SKA3: variants seen among roughly 807,000 people sequenced by gnomAD.
The protein encoded by SKA3 is spindle and kinetochore associated complex subunit 3.
Under a neutral mutation model 44.2 loss-of-function variants are expected in SKA3, and 39 were observed. The observed-to-expected ratio is 0.88, with a 90% confidence interval of 0.68 to 1.15. SKA3 has a LOEUF of 1.15. Ranked by LOEUF, SKA3 falls within the 50% of genes most tolerant of loss-of-function variation. SKA3 has a pLI of 0.00. For synonymous variants in SKA3, 192 were observed against 172.0 expected (o/e 1.12, Z -0.91); for missense variants, 511 against 485.8 (o/e 1.05, Z -0.49).
At position 21,154,243 on chromosome 13, in the gene SKA3, A is replaced by G. The variant is rs1236624199; in HGVS notation, c.*907T>C. On this transcript the variant is annotated 3_prime_UTR_variant, in exon 9 of 9. Transcript: ENST00000314759. ...TGACAAGTTCTCCAAAAGCACTATC[A>G]TGAACTTAATTAGATAATACTTTCC... The G allele has an allele frequency of 1.3e-5, 2 of 152,272 alleles. No individual in the cohort carries two copies. Among genetic ancestry groups the G allele is most frequent in the Non-Finnish European group, 2.9e-5 (2 of 68,060 alleles). 9.4% of individuals were successfully genotyped at this position (152,272 alleles called of 1,614,324 possible). A position where few individuals can be genotyped will look rare whatever the true frequency, so the allele number is the denominator to read the frequency against.
In SKA3 at chr13:21,168,179, T is replaced by C. The variant is rs755738799; in HGVS notation, c.552A>G (p.Glu184=). The change falls in exon 4 of 9, where the codon GAA becomes GAG. Residue 184 remains glutamate, a synonymous_variant. Coordinates refer to ENST00000314759, the MANE Select transcript of SKA3 (RefSeq NM_145061.6). The part of the protein sequence containing the change: ...NPPQAVNNYK[E]EPVIVTPPTK... ...TAGGTGGGGTTACAATTACGGGCTC[T>C]TCCTTATAGTTGTTCACTGCCTGTG... The C allele has an allele frequency of 1.2e-6, 2 of 1,614,002 alleles. No individual in the cohort carries two copies. The highest frequency in any genetic ancestry group is 1.7e-6 in the Non-Finnish European group (2 of 1,179,998).
At chr13:21,172,246 C>T in intron 3 of SKA3, 93 bp downstream of exon 3, 1 of 706,810 alleles carries the variant, frequency 1.4e-6, no homozygotes, top group Non-Finnish European at 2.1e-6. Flanking sequence ...AGAGCTAGAA[C>T]TAAAAACCAT....
chr13:21,159,033 A>G (rs565208685), intron 6 of SKA3, among the ~76,000 whole-genome samples: 1 of 152,338 alleles, frequency 6.6e-6, no homozygotes, highest in South Asian at 2.1e-4. Context: ...TGCACTGTCC[A>G]ATATAGTAGC....
chr13:21,175,332 C>T (rs1871415701), intron 1 of SKA3, among the ~76,000 whole-genome samples: 1 of 150,618 alleles, frequency 6.6e-6, no homozygotes. Context: ...GGCTGGAGTG[C>T]AGTGGCGGAT....
intron 6 of SKA3, 57 bp downstream of exon 6, chr13:21,159,845 T>C (rs1167571511): frequency 1.8e-6 from 2 of 1,103,326 alleles, no homozygotes; most frequent in African/African-American, 1.6e-5. Context: ...CTGCAAGCAG[T>C]AGTGTATTTG....
rs760355221 is a variant in SKA3, at chr13:21,168,275, A to T, written c.456T>A (p.Ser152=). 7 of 1,614,222 alleles carry T rather than the reference A, an allele frequency of 4.3e-6. No individual in the cohort carries two copies. The South Asian group carries it at 7.7e-5, about 18-fold the overall frequency. Reference sequence around the variant, plus strand: ...AATCTGAAAGTTGTGGACTACGTGGAGACTTCTCAGAAATACAACTGCTTG... The same window carrying T: ...AATCTGAAAGTTGTGGACTACGTGGTGACTTCTCAGAAATACAACTGCTTG... ...PVASSCISEK[S]PRSPQLSDFG... The change falls in exon 4 of 9, where the codon TCT becomes TCA. Residue 152 remains serine (S), a synonymous_variant. Coordinates refer to ENST00000314759, the MANE Select transcript of SKA3 (RefSeq NM_145061.6).
At chr13:21,159,046 C>T (rs1429661941) in intron 6 of SKA3, among the ~76,000 whole-genome samples, 2 of 152,144 alleles carry the variant, frequency 1.3e-5, no homozygotes, top group African/African-American at 4.8e-5. Flanking sequence ...ATAGTAGCCA[C>T]AGCCACATGG....
Position 21,153,691 on chromosome 13 carries a change from C to T in SKA3, c.*1459G>A, listed in dbSNP as rs1869928393. 6.6e-6 allele frequency: 1 copy of T among 151,980 alleles called. No homozygotes were observed. The highest frequency in any genetic ancestry group is 6.6e-5 in the Admixed American group (1 of 15,226). The allele number at this position is 151,980 out of a possible 1,614,324, so 9.4% of individuals were successfully genotyped here. A position where few individuals can be genotyped will look rare whatever the true frequency, so the allele number is the denominator to read the frequency against. ...TTCTTCCTACTTCACTGGCCTCAGT[C>T]TCCTTTGCTAGATTACTCTGCCCCT... On this transcript the variant is annotated 3_prime_UTR_variant, in exon 9 of 9. Coordinates refer to ENST00000314759, the MANE Select transcript of SKA3 (RefSeq NM_145061.6).
intron 1 of SKA3, among the ~76,000 whole-genome samples, chr13:21,173,143 C>T (rs1392271773): frequency 6.9e-6 from 1 of 144,216 alleles, no homozygotes; most frequent in Non-Finnish European, 1.5e-5. Context: ...ATAAAATGAG[C>T]ATACCTGCAC....
Position 21,172,450 on chromosome 13 carries a change from C to G in SKA3, c.220G>C (p.Asp74His). The change falls in exon 3 of 9, where the codon GAT becomes CAT. Residue 74 changes from aspartate to histidine, a missense_variant. Asp to His is a moderately conservative substitution (Grantham distance 81). Transcript: ENST00000314759. ...KARLENQEGI[D>H]FIKATKVLME... Reference sequence around the variant, plus strand: ...AGTACTTTTGTTGCCTTTATGAAATCAATGCCTTCTTGATTTTCCAATCTT... The same window carrying G: ...AGTACTTTTGTTGCCTTTATGAAATGAATGCCTTCTTGATTTTCCAATCTT... 1 of 1,591,060 alleles carries G rather than the reference C, an allele frequency of 6.3e-7. No homozygotes were observed. The highest frequency in any genetic ancestry group is 1.9e-5 in the Admixed American group (1 of 53,282).
Position 21,161,666 on chromosome 13 carries a change from A to T in SKA3, c.829+124T>A, listed in dbSNP as rs1870444618. The T allele has an allele frequency of 6.9e-6, 4 of 577,570 alleles. No individual in the cohort carries two copies. The South Asian group carries it at 1.6e-4, about 23-fold the overall frequency. 35.8% of individuals were successfully genotyped at this position (577,570 alleles called of 1,614,324 possible). A position where few individuals can be genotyped will look rare whatever the true frequency, so the allele number is the denominator to read the frequency against. On this transcript the variant is annotated intron_variant, in intron 5 of 8. Transcript: ENST00000314759. Reference sequence around the variant, plus strand: ...GCTGAATGAAATGGTACTTAATGTAATCCAATGTTAGGAATTAAACAGATG... The same window carrying T: ...GCTGAATGAAATGGTACTTAATGTATTCCAATGTTAGGAATTAAACAGATG...
Position 21,175,150 on chromosome 13 carries a change from G to A in SKA3, c.103+1225C>T, listed in dbSNP as rs1038116599. On this transcript the variant is annotated intron_variant, in intron 1 of 8. Coordinates refer to ENST00000314759, the MANE Select transcript of SKA3 (RefSeq NM_145061.6). ...ACTACTATGCCCAGCTAATTGTTTTGTATTTTTAGTAGAGACGAGGTTTCA... is the reference window on the plus strand; with the variant it reads ...ACTACTATGCCCAGCTAATTGTTTTATATTTTTAGTAGAGACGAGGTTTCA... Among the ~76,000 whole-genome samples, 11 of 150,706 alleles carry A rather than the reference G, an allele frequency of 7.3e-5. 1 individual carries two copies. The highest frequency in any genetic ancestry group is 2.0e-4 in the African/African-American group (8 of 40,354).
intron 6 of SKA3, among the ~76,000 whole-genome samples, chr13:21,158,626 A>C (rs1288714642): frequency 1.3e-5 from 2 of 152,136 alleles, no homozygotes; most frequent in Non-Finnish European, 2.9e-5. Flanking sequence ...GTCACAAACA[A>C]AACAAAACAA....
At chr13:21,165,252 G>GT (rs1191040472) in intron 4 of SKA3, among the ~76,000 whole-genome samples, 1 of 147,566 alleles carries the variant, frequency 6.8e-6, no homozygotes, top group Non-Finnish European at 1.5e-5. Context: ...TTTACAGAAA[G>GT]TTAAAAAAAA....
At chr13:21,176,255 G>A in intron 1 of SKA3, 120 bp downstream of exon 1, 2 of 803,440 alleles carry the variant, frequency 2.5e-6, no homozygotes, top group Non-Finnish European at 3.7e-6. Flanking sequence ...CTGCGCCTCG[G>A]TGGCAGCCGT....
intron 3 of SKA3, among the ~76,000 whole-genome samples, chr13:21,170,606 G>A (rs1214148438): frequency 6.6e-6 from 1 of 151,962 alleles, no homozygotes; most frequent in Non-Finnish European, 1.5e-5. Context: ...GTTGTTTTTG[G>A]CATTATGCTT....
chr13:21,170,338 C>A (rs749439304), intron 3 of SKA3, among the ~76,000 whole-genome samples: 1 of 152,022 alleles, frequency 6.6e-6, no homozygotes, highest in African/African-American at 2.4e-5. Context: ...CGCCACCACA[C>A]CCAGCTAATT....
chr13:21,160,988 T>C (rs1271922179), intron 5 of SKA3, among the ~76,000 whole-genome samples: 1 of 151,988 alleles, frequency 6.6e-6, no homozygotes, highest in Non-Finnish European at 1.5e-5. Flanking sequence ...CTGGGCATGG[T>C]GGTGTAAGCC....
chr13:21,158,281 G>C (rs541252896), intron 6 of SKA3, among the ~76,000 whole-genome samples, 156 bp from the exon 7 acceptor site: 16 of 152,188 alleles, frequency 1.1e-4, no homozygotes, highest in African/African-American at 3.6e-4. Flanking sequence ...AGAACAAATG[G>C]CATACAGAGG....
Sources: allele counts gnomAD v4.1 joint callset (sites outside exome capture counted in the v4.1 genomes callset), GRCh38; gene constraint gnomAD v4.1.1; transcripts MANE v1.5; gene names NCBI Gene and HGNC (gene_info 2026-07-23, HGNC 2026-07-21).